The following FAM117B variants were observed in gnomAD, a reference collection of about 807,000 sequenced individuals.
FAM117B encodes the protein protein FAM117B.
A neutral mutation model predicts 52.8 loss-of-function variants in FAM117B; 22 were observed. The ratio of observed to expected loss-of-function variants is 0.42; its 90% CI spans 0.30 to 0.59. The LOEUF (loss-of-function observed/expected upper bound fraction) is 0.59. Ranked by LOEUF, FAM117B falls within the 20% of genes least tolerant of loss-of-function variation. The probability of loss-of-function intolerance (pLI) is 0.22; values close to 1 mark genes in which losing one functional copy is unlikely to be tolerated. For synonymous variants in FAM117B, 309 were observed against 324.1 expected (o/e 0.95, Z 0.50); for missense variants, 678 against 802.6 (o/e 0.84, Z 1.88).
chr2:202,711,416 A>G (rs566789413), intron 2 of FAM117B, among the ~76,000 whole-genome samples: 79 of 151,976 alleles, frequency 5.2e-4, no homozygotes, highest in Admixed American at 5.0e-3. Context: ...AGTTTTGCCT[A>G]TTGAGCTCCT....
intron 2 of FAM117B, among the ~76,000 whole-genome samples, chr2:202,703,663 C>T (rs768051576): frequency 6.6e-6 from 1 of 152,186 alleles, no homozygotes; most frequent in Non-Finnish European, 1.5e-5. Context: ...CTTAATCTCT[C>T]TTAATGGGTG....
At chr2:202,649,072 A>AT (rs1208716323) in intron 1 of FAM117B, among the ~76,000 whole-genome samples, 1 of 152,086 alleles carries the variant, frequency 6.6e-6, no homozygotes, top group East Asian at 1.9e-4. Flanking sequence ...TAGAAATAGA[A>AT]TTTTTTGGGT....
chr2:202,661,035 C>T (rs1359464344), intron 1 of FAM117B, among the ~76,000 whole-genome samples: 1 of 152,198 alleles, frequency 6.6e-6, no homozygotes. Context: ...TTTTCCTGCC[C>T]ACTCCTACTG....
intron 1 of FAM117B, among the ~76,000 whole-genome samples, chr2:202,689,632 C>T (rs1240770587): frequency 6.6e-6 from 1 of 151,528 alleles, no homozygotes; most frequent in East Asian, 2.0e-4. Context: ...AAGACAATAC[C>T]TGAGGCCAGG....
intron 2 of FAM117B, among the ~76,000 whole-genome samples, chr2:202,710,386 A>G (rs1421119347): frequency 1.3e-5 from 2 of 152,078 alleles, no homozygotes; most frequent in African/African-American, 4.8e-5. Flanking sequence ...GTTGTAAATG[A>G]GATTGCTTTC....
chr2:202,670,227 G>A (rs1174234742), intron 1 of FAM117B, among the ~76,000 whole-genome samples: 3 of 152,080 alleles, frequency 2.0e-5, no homozygotes, highest in African/African-American at 7.2e-5. Flanking sequence ...AAAATGAAAA[G>A]AGAAATAAGA....
At chr2:202,692,130 C>T (rs1200052340) in intron 1 of FAM117B, among the ~76,000 whole-genome samples, 3 of 152,094 alleles carry the variant, frequency 2.0e-5, no homozygotes, top group Non-Finnish European at 2.9e-5. Context: ...ATGCAAGACC[C>T]TTACCAAGAT....
At chr2:202,672,930 T>A (rs528276834) in intron 1 of FAM117B, among the ~76,000 whole-genome samples, 1 of 152,106 alleles carries the variant, frequency 6.6e-6, no homozygotes, top group African/African-American at 2.4e-5. Flanking sequence ...CACCTGTAGT[T>A]CCAGCTACTC....
intron 4 of FAM117B, among the ~76,000 whole-genome samples, chr2:202,734,981 C>A (rs1691416958): frequency 6.6e-6 from 1 of 152,106 alleles, no homozygotes; most frequent in Non-Finnish European, 1.5e-5. Flanking sequence ...CTGTATCTTT[C>A]TCCCCTATTG....
chr2:202,684,840 C>G (rs1208280303), intron 1 of FAM117B, among the ~76,000 whole-genome samples: 1 of 152,012 alleles, frequency 6.6e-6, no homozygotes, highest in Non-Finnish European at 1.5e-5. Flanking sequence ...ACTGTATTCC[C>G]TAGGAATAAT....
chr2:202,702,891 T>C (rs1690816561), intron 2 of FAM117B, among the ~76,000 whole-genome samples: 1 of 152,176 alleles, frequency 6.6e-6, no homozygotes, highest in Admixed American at 6.5e-5. Context: ...AAGATAGGTA[T>C]GTTTGTTAAG....
chr2:202,662,023 G>T (rs1214892475), intron 1 of FAM117B, among the ~76,000 whole-genome samples: 1 of 151,960 alleles, frequency 6.6e-6, no homozygotes, highest in Non-Finnish European at 1.5e-5. Flanking sequence ...GCACTCCTGT[G>T]TTTATTGCAG....
intron 1 of FAM117B, among the ~76,000 whole-genome samples, chr2:202,692,091 C>G (rs963296727): frequency 1.3e-5 from 2 of 152,058 alleles, no homozygotes; most frequent in East Asian, 1.9e-4. Context: ...GGTCACATAA[C>G]CAGCACCTGA....
At chr2:202,742,834 C>A (rs1322849882) in intron 4 of FAM117B, among the ~76,000 whole-genome samples, 1 of 152,206 alleles carries the variant, frequency 6.6e-6, no homozygotes, top group Non-Finnish European at 1.5e-5. Context: ...TGCATGCATG[C>A]ACCCTCCAGT....
At chr2:202,753,430 A>G (rs1691754328) in intron 4 of FAM117B, among the ~76,000 whole-genome samples, 1 of 152,352 alleles carries the variant, frequency 6.6e-6, no homozygotes, top group East Asian at 1.9e-4. Flanking sequence ...AACCTAGGCA[A>G]TACCATTCAG....
chr2:202,743,711 A>T (rs1029426177), intron 4 of FAM117B, among the ~76,000 whole-genome samples: 1 of 152,200 alleles, frequency 6.6e-6, no homozygotes, highest in East Asian at 1.9e-4. Context: ...AACCAAACAA[A>T]TCATGGAGCT....
intron 1 of FAM117B, among the ~76,000 whole-genome samples, chr2:202,677,703 A>G (rs535856886): frequency 6.6e-6 from 1 of 152,298 alleles, no homozygotes; most frequent in African/African-American, 2.4e-5. Flanking sequence ...GATTAATGAT[A>G]GTAGAATATA....
chr2:202,722,617 A>G (rs747404641), intron 2 of FAM117B, among the ~76,000 whole-genome samples: 3 of 152,156 alleles, frequency 2.0e-5, no homozygotes, highest in Non-Finnish European at 4.4e-5. Flanking sequence ...TGGGAGCTAA[A>G]TAATGAGAAC....
At chr2:202,662,947 T>G (rs974306799) in intron 1 of FAM117B, among the ~76,000 whole-genome samples, 1 of 152,040 alleles carries the variant, frequency 6.6e-6, no homozygotes, top group Non-Finnish European at 1.5e-5. Context: ...AACATCACAC[T>G]CTTATCCTGT....
Sources: allele counts gnomAD v4.1 joint callset (sites outside exome capture counted in the v4.1 genomes callset), GRCh38; gene constraint gnomAD v4.1.1; transcripts MANE v1.5; gene names NCBI Gene and HGNC (gene_info 2026-07-23, HGNC 2026-07-21).